The following CRTC3 variants were observed in gnomAD, a reference collection of about 807,000 sequenced individuals.
CRTC3 encodes the protein CREB-regulated transcription coactivator 3.
In CRTC3, 26 loss-of-function variants were observed where a neutral mutation model predicts 74.5. That is an observed-to-expected ratio of 0.35 (90% CI 0.26 to 0.48). The LOEUF (loss-of-function observed/expected upper bound fraction) is 0.48, where lower values mean the gene tolerates loss of function less well. Ranked by LOEUF, CRTC3 falls within the 20% of genes least tolerant of loss-of-function variation. The pLI is 0.99. For missense variants in CRTC3, 760 were observed against 787.3 expected, an observed-to-expected ratio of 0.97 and a Z score of 0.41; for synonymous variants, 377 against 325.8, an observed-to-expected ratio of 1.16 and a Z score of -1.69.
At chr15:90,537,903 C>T (rs1288160330) in intron 1 of CRTC3, among the ~76,000 whole-genome samples, 1 of 152,160 alleles carries the variant, frequency 6.6e-6, no homozygotes, top group African/African-American at 2.4e-5. Flanking sequence ...TTTTAACAGT[C>T]TTTGAAGGCT....
intron 1 of CRTC3, among the ~76,000 whole-genome samples, chr15:90,536,817 A>G (rs896520231): frequency 6.6e-5 from 10 of 152,222 alleles, no homozygotes; most frequent in African/African-American, 2.4e-4. Context: ...ATAATAGGGT[A>G]CAGTGAGGAC....
chr15:90,603,368 A>T (rs867153091), intron 4 of CRTC3, among the ~76,000 whole-genome samples: 1 of 150,996 alleles, frequency 6.6e-6, no homozygotes, highest in African/African-American at 2.4e-5. Flanking sequence ...GCGTGAACCC[A>T]GGAGGCGGAG....
chr15:90,610,294 G>T (rs1475541753), intron 6 of CRTC3, among the ~76,000 whole-genome samples: 1 of 152,200 alleles, frequency 6.6e-6, no homozygotes, highest in Non-Finnish European at 1.5e-5. Context: ...CCAGAACTGG[G>T]TTCTATGTTC....
chr15:90,580,954 A>G (rs1394846573), intron 2 of CRTC3, among the ~76,000 whole-genome samples: 2 of 152,212 alleles, frequency 1.3e-5, no homozygotes, highest in African/African-American at 4.8e-5. Flanking sequence ...TTAAACCATG[A>G]TGAATTTTTA....
chr15:90,589,711 G>T (rs969459739), intron 2 of CRTC3, among the ~76,000 whole-genome samples: 3 of 152,254 alleles, frequency 2.0e-5, no homozygotes, highest in African/African-American at 4.8e-5. Context: ...TACTGGCCGG[G>T]TGCAGTTGCT....
intron 2 of CRTC3, among the ~76,000 whole-genome samples, chr15:90,557,143 A>G (rs1456488748): frequency 6.6e-6 from 1 of 152,158 alleles, no homozygotes; most frequent in Non-Finnish European, 1.5e-5. Flanking sequence ...GAAAATGTGT[A>G]GAAAACAATT....
intron 2 of CRTC3, among the ~76,000 whole-genome samples, chr15:90,564,904 A>ACCTTCCTT (rs71154112): frequency 0.042 from 6,085 of 146,198 alleles, 160 homozygotes; most frequent in Middle Eastern, 0.066. Flanking sequence ...AATTTAACCA[A>ACCTTCCTT]CCTTCCTTCC....
chr15:90,562,809 G>T (rs1168856750), intron 2 of CRTC3, among the ~76,000 whole-genome samples: 1 of 152,028 alleles, frequency 6.6e-6, no homozygotes, highest in African/African-American at 2.4e-5. Flanking sequence ...ATGGAAGAGG[G>T]GGGTCAGTTG....
chr15:90,639,321 A>G (rs1170040653), intron 13 of CRTC3, among the ~76,000 whole-genome samples: 1 of 151,960 alleles, frequency 6.6e-6, no homozygotes, highest in African/African-American at 2.4e-5. Flanking sequence ...TTTACAGTTT[A>G]GTTTTTTCCT....
intron 5 of CRTC3, among the ~76,000 whole-genome samples, chr15:90,605,613 A>C (rs1968197077): frequency 7.2e-4 from 1 of 1,388 alleles, no homozygotes; most frequent in Non-Finnish European, 3.0e-3. Flanking sequence ...GAATCTGTAA[A>C]AAGAGGCTGG....
rs137863110 is a variant in CRTC3, at chr15:90,598,183, C to T, written c.352-4141C>T. ...GAAATGACTGGCTTCCAGGCTGCCC[C>T]GACAAGGCAGTTCCTGAGCCCTGCC... On this transcript the variant is annotated intron_variant, in intron 3 of 14. Coordinates refer to ENST00000268184, the MANE Select transcript of CRTC3 (RefSeq NM_022769.5). The T allele has an allele frequency of 2.8e-4, 133 of 482,480 alleles. No individual in the cohort carries two copies. The East Asian group carries it at 3.9e-3, about 14-fold the overall frequency. 29.9% of individuals were successfully genotyped at this position (482,480 alleles called of 1,614,324 possible).
chr15:90,600,357 C>CA (rs1210338995), intron 3 of CRTC3: 1 of 152,298 alleles, frequency 6.6e-6, no homozygotes, highest in African/African-American at 2.4e-5. Context: ...GATAGGGCCC[C>CA]ACTCCATCAA....
At chr15:90,627,546 A>G (rs1440774865) in intron 10 of CRTC3, among the ~76,000 whole-genome samples, 1 of 152,126 alleles carries the variant, frequency 6.6e-6, no homozygotes, top group Non-Finnish European at 1.5e-5. Context: ...TCTTATGTTT[A>G]GTCACTGGTT....
intron 2 of CRTC3, among the ~76,000 whole-genome samples, chr15:90,547,815 G>A (rs1966847001): frequency 6.6e-6 from 1 of 152,036 alleles, no homozygotes; most frequent in African/African-American, 2.4e-5. Context: ...GGCTTGTCAG[G>A]CAGCTGTAGA....
intron 1 of CRTC3, among the ~76,000 whole-genome samples, chr15:90,533,199 C>T (rs1434291808): frequency 2.7e-5 from 4 of 145,970 alleles, no homozygotes; most frequent in Non-Finnish European, 4.5e-5. Flanking sequence ...GTCAGGAGAT[C>T]GAGACCATCC....
chr15:90,553,103 T>G (rs920747760), intron 2 of CRTC3, among the ~76,000 whole-genome samples: 1 of 152,200 alleles, frequency 6.6e-6, no homozygotes, highest in African/African-American at 2.4e-5. Context: ...ATGAATTATT[T>G]CCGGGAAAGA....
chr15:90,618,406 G>C (rs1455255564), intron 8 of CRTC3, among the ~76,000 whole-genome samples: 1 of 152,136 alleles, frequency 6.6e-6, no homozygotes. Context: ...AGTCCTCCAA[G>C]AGTCAGTAGA....
At chr15:90,533,422 G>A (rs61653706) in intron 1 of CRTC3, among the ~76,000 whole-genome samples, 34,971 of 138,704 alleles carry the variant, frequency 0.25, 4,684 homozygotes, top group East Asian at 0.56. Context: ...CTCCGCCTAG[G>A]AAAAAAAAAA....
chr15:90,542,089 G>C (rs1490039320), intron 2 of CRTC3, among the ~76,000 whole-genome samples: 2 of 150,546 alleles, frequency 1.3e-5, no homozygotes, highest in Non-Finnish European at 3.0e-5. Flanking sequence ...TAGCCCCCAG[G>C]ATTCTTTTCA....
Sources: allele counts gnomAD v4.1 joint callset (sites outside exome capture counted in the v4.1 genomes callset), GRCh38; gene constraint gnomAD v4.1.1; transcripts MANE v1.5; gene names NCBI Gene and HGNC (gene_info 2026-07-23, HGNC 2026-07-21).